XKR4: variants seen among roughly 807,000 people sequenced by gnomAD.
The protein encoded by XKR4 is XK-related protein 4.
XKR4 carries 12 observed loss-of-function variants against 53.9 expected under a neutral mutation model. That is an observed-to-expected ratio of 0.22 (90% confidence interval 0.14 to 0.36). The LOEUF is 0.36. Among genes scored for constraint, XKR4 ranks in the 10% least tolerant of loss-of-function variants. XKR4 has a pLI of 1.00. For synonymous variants in XKR4, 354 were observed against 362.4 expected, an observed-to-expected ratio of 0.98 and a Z score of 0.26; for missense variants, 799 against 859.5, an observed-to-expected ratio of 0.93 and a Z score of 0.88.
Position 55,524,556 on chromosome 8 carries a change from T to A in XKR4, c.*329T>A, listed in dbSNP as rs1440856134. ...AATTTTGCCTCCAATCATTAGGGTG[T>A]CTTGATGGCGTTAACTGATCTTTCC... On this transcript the variant is annotated 3_prime_UTR_variant, in exon 3 of 3. Transcript: ENST00000327381. The A allele has an allele frequency of 2.0e-5, 6 of 303,326 alleles. No individual in the cohort carries two copies. In the East Asian group the frequency reaches 3.9e-4, roughly 20 times the overall value. 18.8% of individuals were successfully genotyped at this position (303,326 alleles called of 1,614,324 possible).
At chr8:55,419,156 A>G (rs1804891120) in intron 2 of XKR4, among the ~76,000 whole-genome samples, 1 of 152,118 alleles carries the variant, frequency 6.6e-6, no homozygotes, top group Non-Finnish European at 1.5e-5. Flanking sequence ...AGGCTCAGGC[A>G]GGTGGATCAC....
At chr8:55,414,054 A>C (rs147127739) in intron 2 of XKR4, among the ~76,000 whole-genome samples, 1 of 152,240 alleles carries the variant, frequency 6.6e-6, no homozygotes, top group African/African-American at 2.4e-5. Context: ...AAATTCCTTC[A>C]TCATAAAGAA....
intron 2 of XKR4, among the ~76,000 whole-genome samples, chr8:55,365,777 A>G (rs995657463): frequency 6.6e-6 from 1 of 151,240 alleles, no homozygotes; most frequent in Admixed American, 6.6e-5. Context: ...GGGTGAGAGG[A>G]TGAAAAGTGA....
intron 2 of XKR4, among the ~76,000 whole-genome samples, chr8:55,438,539 G>A (rs1158871516): frequency 3.5e-5 from 5 of 143,542 alleles, no homozygotes; most frequent in Non-Finnish European, 3.0e-5. Context: ...GCAGTGAGCC[G>A]AGATTGTGCC....
At chr8:55,326,524 G>A (rs1243176559) in intron 1 of XKR4, among the ~76,000 whole-genome samples, 1 of 135,658 alleles carries the variant, frequency 7.4e-6, no homozygotes, top group Non-Finnish European at 1.5e-5. Context: ...AGGTTGGAGT[G>A]CAGTGGCCCA....
intron 2 of XKR4, chr8:55,453,563 G>A: frequency 5.2e-6 from 2 of 381,952 alleles, no homozygotes; most frequent in Admixed American, 3.6e-5. Context: ...GGGCCCTGAG[G>A]GCCCTGTGGT....
At chr8:55,148,629 A>G (rs1816802715) in intron 1 of XKR4, among the ~76,000 whole-genome samples, 1 of 152,130 alleles carries the variant, frequency 6.6e-6, no homozygotes, top group African/African-American at 2.4e-5. Context: ...TCCCCAGCAA[A>G]CCATGTTATA....
intron 1 of XKR4, among the ~76,000 whole-genome samples, chr8:55,279,173 T>C (rs1431185005): frequency 6.6e-6 from 1 of 152,212 alleles, no homozygotes; most frequent in African/African-American, 2.4e-5. Context: ...GGAGATCCCA[T>C]CGCTGGTAAC....
At chr8:55,265,909 T>G (rs372469476) in intron 1 of XKR4, among the ~76,000 whole-genome samples, 2 of 151,742 alleles carry the variant, frequency 1.3e-5, no homozygotes, top group African/African-American at 4.8e-5. Flanking sequence ...CGCTTGAACC[T>G]GGGAGGCAGA....
At position 55,103,400 on chromosome 8, in the gene XKR4, G is replaced by C; in HGVS notation, c.806+106G>C. ...CAGGGTTGCTTTGGTAGTAACCCTA[G>C]TCACACTCTTCCAGTTTTTTGGGTT... On this transcript the variant is annotated intron_variant, in intron 1 of 2. Transcript: ENST00000327381. The C allele has an allele frequency of 6.8e-6, 10 of 1,480,404 alleles. No homozygotes were observed. In the South Asian group the frequency reaches 1.4e-4, roughly 21 times the overall value. 91.7% of individuals were successfully genotyped at this position (1,480,404 alleles called of 1,614,324 possible).
At chr8:55,431,550 T>C (rs1805104770) in intron 2 of XKR4, among the ~76,000 whole-genome samples, 1 of 152,196 alleles carries the variant, frequency 6.6e-6, no homozygotes, top group African/African-American at 2.4e-5. Flanking sequence ...TCCTAGTAAT[T>C]TGAGCATCAA....
At position 55,451,398 on chromosome 8, in the gene XKR4, G is replaced by C. The variant is rs911746194; in HGVS notation, c.1007-71883G>C. On this transcript the variant is annotated intron_variant, in intron 2 of 2. Transcript: ENST00000327381. ...CTGAGGAGAAGCCGCTAAGTGTGTT[G>C]CGTCCGGACGCACTGGAGTAGCGGG... is the stretch of plus-strand genomic sequence containing the variant. 6.5e-5 allele frequency: 56 copies of C among 857,052 alleles called. No individual in the cohort carries two copies. In the East Asian group the frequency reaches 8.2e-4, roughly 12 times the overall value. 53.1% of individuals were successfully genotyped at this position (857,052 alleles called of 1,614,324 possible). A position where few individuals can be genotyped will look rare whatever the true frequency, so the allele number is the denominator to read the frequency against.
intron 1 of XKR4, among the ~76,000 whole-genome samples, chr8:55,238,525 G>C (rs1006682005): frequency 6.6e-6 from 1 of 152,102 alleles, no homozygotes; most frequent in African/African-American, 2.4e-5. Flanking sequence ...TGCCAGGAGG[G>C]GTCAAAGCCC....
intron 2 of XKR4, among the ~76,000 whole-genome samples, chr8:55,467,747 G>C (rs1246698795): frequency 1.3e-5 from 2 of 152,080 alleles, no homozygotes; most frequent in African/African-American, 4.8e-5. Flanking sequence ...TGAATTCTTT[G>C]ATTAATAGTA....
intron 1 of XKR4, among the ~76,000 whole-genome samples, chr8:55,216,479 G>GGCT (rs1817800271): frequency 2.0e-5 from 3 of 152,196 alleles, no homozygotes; most frequent in African/African-American, 7.2e-5. Flanking sequence ...TGTAATCCCA[G>GGCT]CACTTTGAGA....
chr8:55,416,793 T>A (rs1016786868), intron 2 of XKR4, among the ~76,000 whole-genome samples: 32 of 152,194 alleles, frequency 2.1e-4, no homozygotes, highest in African/African-American at 7.5e-4. Context: ...ACCACAGCGA[T>A]TCTCTATGAA....
rs1335236152 is a variant in XKR4 at position 55,525,662 on chromosome 8, G to T, written c.*1435G>T. 1 of 152,536 alleles carries T rather than the reference G, an allele frequency of 6.6e-6. No individual in the cohort carries two copies. Among genetic ancestry groups the T allele is most frequent in the Non-Finnish European group, 1.5e-5 (1 of 68,032 alleles). 9.4% of individuals were successfully genotyped at this position (152,536 alleles called of 1,614,324 possible). On this transcript the variant is annotated 3_prime_UTR_variant, in exon 3 of 3. Coordinates refer to ENST00000327381, the MANE Select transcript of XKR4 (RefSeq NM_052898.2). ...GCTTTTCGTTGCATTAAAAGTGCCG[G>T]TCAAACTTTGATAGTATTTTTTTAT...
intron 2 of XKR4, among the ~76,000 whole-genome samples, chr8:55,377,093 G>A (rs114692056): frequency 0.011 from 1,659 of 152,092 alleles, 24 homozygotes; most frequent in African/African-American, 0.038. Flanking sequence ...ACTTGTCCCC[G>A]CCACCACCAC....
intron 2 of XKR4, among the ~76,000 whole-genome samples, chr8:55,481,074 A>G (rs1352607847): frequency 6.6e-6 from 1 of 152,230 alleles, no homozygotes; most frequent in Non-Finnish European, 1.5e-5. Context: ...GAACCAAAAA[A>G]GAGCCCACAT....
Sources: allele counts gnomAD v4.1 joint callset (sites outside exome capture counted in the v4.1 genomes callset), GRCh38; gene constraint gnomAD v4.1.1; transcripts MANE v1.5; gene names NCBI Gene and HGNC (gene_info 2026-07-23, HGNC 2026-07-21).